The following SYNE1 variants were observed in gnomAD, a reference collection of about 807,000 sequenced individuals.
SYNE1 encodes spectrin repeat containing nuclear envelope protein 1, also known as nesprin-1.
SYNE1 carries 616 observed loss-of-function variants against 1,111.0 expected under a neutral mutation model. That is an observed-to-expected ratio of 0.55 (90% CI 0.52 to 0.59). The LOEUF (loss-of-function observed/expected upper bound fraction) is 0.59, where lower values mean the gene tolerates loss of function less well. Among genes scored for constraint, SYNE1 ranks in the 20% least tolerant of loss-of-function variants. SYNE1 has a pLI of 0.00. For missense variants in SYNE1, 10,006 were observed against 10,417.0 expected, an observed-to-expected ratio of 0.96 and a Z score of 1.72; for synonymous variants, 3,855 against 3,825.8, an observed-to-expected ratio of 1.01 and a Z score of -0.28.
chr6:152,282,094 C>T lies in SYNE1; in HGVS notation c.18208-114G>A. The T allele has an allele frequency of 2.6e-6, 3 of 1,150,980 alleles. No homozygotes were observed. In the South Asian group the frequency reaches 3.9e-5, roughly 15 times the overall value. 71.3% of individuals were successfully genotyped at this position (1,150,980 alleles called of 1,614,324 possible). On this transcript the variant is annotated intron_variant, in intron 96 of 145. Transcript: ENST00000367255. ...CTGTACATAAGAATCACTGGTAAAA[C>T]TTTTAAAAATTTCCTTTGCTTAGGC...
intron 122 of SYNE1, among the ~76,000 whole-genome samples, chr6:152,214,193 C>CA (rs200066196): frequency 0.028 from 1,690 of 59,472 alleles, 31 homozygotes; most frequent in South Asian, 0.16. Context: ...AACTCCGTCT[C>CA]AAAAAAAAAA....
At chr6:152,596,075 T>A (rs2099580195) in intron 3 of SYNE1, among the ~76,000 whole-genome samples, 1 of 111,534 alleles carries the variant, frequency 9.0e-6, no homozygotes, top group African/African-American at 3.5e-5. Flanking sequence ...CCCAAAAGAG[T>A]GTGCCTGGCA....
intron 14 of SYNE1, chr6:152,472,722 T>G: frequency 1.5e-6 from 1 of 669,718 alleles, no homozygotes. Flanking sequence ...ATTACTGCTA[T>G]GAAATGATTT....
intron 131 of SYNE1, among the ~76,000 whole-genome samples, chr6:152,161,720 G>A (rs2062544332): frequency 6.6e-6 from 1 of 152,118 alleles, no homozygotes; most frequent in Admixed American, 6.6e-5. Flanking sequence ...TATAGAAGCT[G>A]TGTATGCACC....
chr6:152,209,729 G>A (rs549893318), intron 124 of SYNE1, among the ~76,000 whole-genome samples: 7 of 149,750 alleles, frequency 4.7e-5, no homozygotes, highest in South Asian at 2.1e-4. Context: ...TAGCCTGAGC[G>A]AAAGAGCAAG....
At chr6:152,620,155 C>A (rs2099672199) in intron 3 of SYNE1, among the ~76,000 whole-genome samples, 1 of 151,988 alleles carries the variant, frequency 6.6e-6, no homozygotes, top group Admixed American at 6.6e-5. Context: ...CACAGTTGAT[C>A]ACTCCCTCCT....
intron 30 of SYNE1, among the ~76,000 whole-genome samples, chr6:152,443,485 C>T (rs974306458): frequency 4.6e-5 from 7 of 152,116 alleles, no homozygotes; most frequent in Non-Finnish European, 8.8e-5. Context: ...AGGATGGTCT[C>T]GATCTGCTGA....
At chr6:152,402,097 G>A (rs2097828870) in intron 46 of SYNE1, among the ~76,000 whole-genome samples, 1 of 152,046 alleles carries the variant, frequency 6.6e-6, no homozygotes, top group Non-Finnish European at 1.5e-5. Flanking sequence ...CCTGTGTAAG[G>A]CTTCTTTCTC....
chr6:152,363,663 G>C, intron 63 of SYNE1: 1 of 451,788 alleles, frequency 2.2e-6, no homozygotes, highest in Non-Finnish European at 4.4e-6. Context: ...CACCACTGCA[G>C]CACAGTCCAG....
chr6:152,208,562 C>T (rs1015727620), intron 124 of SYNE1, among the ~76,000 whole-genome samples: 1 of 152,176 alleles, frequency 6.6e-6, no homozygotes, highest in Admixed American at 6.5e-5. Context: ...TCCATAGCAA[C>T]ATGTGCAGCT....
chr6:152,478,698 A>T (rs965120942), intron 14 of SYNE1: 11 of 152,268 alleles, frequency 7.2e-5, no homozygotes, highest in Admixed American at 1.3e-4. Flanking sequence ...GAAGGTTTGA[A>T]GAGACAAGAT....
chr6:152,486,887 C>T (rs2098943976), intron 12 of SYNE1, among the ~76,000 whole-genome samples: 1 of 152,132 alleles, frequency 6.6e-6, no homozygotes, highest in South Asian at 2.1e-4. Context: ...TGACCTTTTT[C>T]TGTAGCAGAA....
At chr6:152,350,021 T>C in intron 72 of SYNE1, 147 bp downstream of exon 72, 2 of 1,076,372 alleles carry the variant, frequency 1.9e-6, no homozygotes, top group Non-Finnish European at 2.8e-6. Context: ...AACGGACTAA[T>C]ACAGACCTGA....
chr6:152,481,476 A>C (rs2098898112), intron 14 of SYNE1: 1 of 371,882 alleles, frequency 2.7e-6, no homozygotes, highest in Non-Finnish European at 5.4e-6. Context: ...GGTAACAGGT[A>C]CACTAGAATC....
rs1306835988 is a variant in SYNE1, at chr6:152,481,877, T to C, written c.1350+1208A>G. 3.3e-5 allele frequency among the ~76,000 whole-genome samples: 5 copies of C among 151,670 alleles called. No homozygotes were observed. In the East Asian group the frequency reaches 9.7e-4, roughly 29 times the overall value. On this transcript the variant is annotated intron_variant, in intron 14 of 145. Coordinates refer to ENST00000367255, the MANE Select transcript of SYNE1 (RefSeq NM_182961.4). The stretch of plus-strand genomic sequence containing the variant: ...CACAGATAAGCAGGCCCCGCTTTTA[T>C]TTGTGAGTATCTGCACAGATGAAGA...
intron 107 of SYNE1, 100 bp from the exon 108 acceptor site, chr6:152,239,806 C>T (rs2085129639): frequency 7.6e-7 from 1 of 1,311,218 alleles, no homozygotes; most frequent in Non-Finnish European, 1.1e-6. Flanking sequence ...CGCCTGTAAT[C>T]CCAACAGTTG....
intron 49 of SYNE1, 31 bp from the exon 50 acceptor site, chr6:152,397,011 T>C (rs1415729593): frequency 6.2e-7 from 1 of 1,602,096 alleles, no homozygotes; most frequent in South Asian, 1.1e-5. Context: ...AATAGGTCCA[T>C]GGGACTATGC....
At chr6:152,459,853 G>A (rs1299804402) in intron 21 of SYNE1, among the ~76,000 whole-genome samples, 1 of 152,194 alleles carries the variant, frequency 6.6e-6, no homozygotes, top group African/African-American at 2.4e-5. Flanking sequence ...GAAAGTGGGA[G>A]AGGGCAACAT....
intron 64 of SYNE1, 146 bp downstream of exon 64, chr6:152,362,024 A>C: frequency 9.2e-7 from 1 of 1,085,914 alleles, no homozygotes; most frequent in Non-Finnish European, 1.3e-6. Flanking sequence ...CCAGTTTAAG[A>C]AGCCTTTAGA....
Sources: allele counts gnomAD v4.1 joint callset (sites outside exome capture counted in the v4.1 genomes callset), GRCh38; gene constraint gnomAD v4.1.1; transcripts MANE v1.5; gene names NCBI Gene and HGNC (gene_info 2026-07-23, HGNC 2026-07-21).